The following ZNF12 variants were observed in gnomAD, a reference collection of about 807,000 sequenced individuals.
ZNF12 encodes the protein zinc finger protein 12, also known as gonadotropin inducible transcription repressor 3.
In ZNF12, 34 loss-of-function variants were observed where a neutral mutation model predicts 66.6. That is an observed-to-expected ratio of 0.51 (90% CI 0.39 to 0.68). The LOEUF (loss-of-function observed/expected upper bound fraction) is 0.68. Ranked by LOEUF, ZNF12 falls within the 30% of genes least tolerant of loss-of-function variation. ZNF12 has a pLI of 0.00. For missense variants in ZNF12, 697 were observed against 826.9 expected (o/e 0.84, Z 1.93); for synonymous variants, 320 against 278.9 (o/e 1.15, Z -1.47).
intron 2 of ZNF12, among the ~76,000 whole-genome samples, chr7:6,700,141 C>T (rs1047576073): frequency 2.0e-5 from 3 of 151,570 alleles, no homozygotes; most frequent in Non-Finnish European, 4.4e-5. Flanking sequence ...AAAAATTAGC[C>T]GGGCGTGGTG....
intron 4 of ZNF12, among the ~76,000 whole-genome samples, chr7:6,694,133 C>A (rs1011812496): frequency 2.1e-5 from 3 of 145,182 alleles, no homozygotes; most frequent in Non-Finnish European, 4.7e-5. Context: ...TGTCACTGCA[C>A]CCCAGCCTGG....
chr7:6,698,396 C>A lies in ZNF12; in HGVS notation c.16-585G>T, dbSNP rs1414868150. ...ACACCAACATTTTCCAAATTTACAT[C>A]ATCAGTCCAGGCCTCTCTCCTAAAT... On this transcript the variant is annotated intron_variant, in intron 2 of 4. Coordinates refer to ENST00000405858, the MANE Select transcript of ZNF12 (RefSeq NM_016265.4). This position sits in a 1 kb window ranked among gnomAD's most constrained non-coding sequence, Gnocchi z 4.4. Among the ~76,000 whole-genome samples the A allele has an allele frequency of 6.6e-6, 1 of 152,142 alleles. No individual in the cohort carries two copies. The highest frequency in any genetic ancestry group is 1.9e-4 in the East Asian group (1 of 5,204).
chr7:6,706,940 A>C lies in ZNF12; in HGVS notation c.-559T>G, dbSNP rs1441319888. The C allele has an allele frequency of 9.8e-6, 4 of 406,618 alleles. No homozygotes were observed. The East Asian group carries it at 3.9e-4, about 40-fold the overall frequency. The allele number at this position is 406,618 out of a possible 1,614,324, so 25.2% of individuals were successfully genotyped here. On this transcript the variant is annotated 5_prime_UTR_variant, in exon 1 of 5. Coordinates refer to ENST00000405858, the MANE Select transcript of ZNF12 (RefSeq NM_016265.4). ...GTGACCTGGGGACGCACAGGAAGCGAGGGCACTGCGGCCGCGGCGCGCATG... is the reference window on the plus strand; with the variant it reads ...GTGACCTGGGGACGCACAGGAAGCGCGGGCACTGCGGCCGCGGCGCGCATG...
chr7:6,700,594 TG>T (rs761627051), intron 2 of ZNF12, among the ~76,000 whole-genome samples: 15 of 152,276 alleles, frequency 9.9e-5, no homozygotes, highest in Non-Finnish European at 1.3e-4. Flanking sequence ...CCACTGCATT[TG>T]TTTTTCACAA....
chr7:6,692,864 T>G lies in ZNF12; in HGVS notation c.239-161A>C, dbSNP rs1029582940. On this transcript the variant is annotated intron_variant, in intron 4 of 4. Coordinates refer to ENST00000405858, the MANE Select transcript of ZNF12 (RefSeq NM_016265.4). This position sits in a 1 kb window ranked among gnomAD's most constrained non-coding sequence, Gnocchi z 5.1. ...AGTGTACTCTTCTCCTTTATGCTTT[T>G]GCTTAAAATTACACACACACAAACA... is the stretch of plus-strand genomic sequence containing the variant. Among the ~76,000 whole-genome samples, 2 of 151,540 alleles carry G rather than the reference T, an allele frequency of 1.3e-5. No individual in the cohort carries two copies. Among genetic ancestry groups the G allele is most frequent in the Non-Finnish European group, 2.9e-5 (2 of 67,996 alleles).
rs762462723 is a variant in ZNF12, at chr7:6,698,017, AC to A, written c.16-207del. The A allele has an allele frequency of 1.5e-5, 12 of 775,400 alleles. No homozygotes were observed. Among genetic ancestry groups the A allele is most frequent in the African/African-American group, 1.5e-4 (9 of 59,160 alleles). 48.0% of individuals were successfully genotyped at this position (775,400 alleles called of 1,614,324 possible). A position where few individuals can be genotyped will look rare whatever the true frequency, so the allele number is the denominator to read the frequency against. On this transcript the variant is annotated intron_variant, in intron 2 of 4. Transcript: ENST00000405858. The surrounding 1 kb of genome is among the most constrained non-coding windows in gnomAD (Gnocchi z 4.4). The stretch of plus-strand genomic sequence containing the variant: ...CAAACAAAAAACAAAAAACAAAAAA[AC>A]AACACTGGGATTGCACGGTGAGCCA...
rs370609226 is a variant in ZNF12 at position 6,692,573 on chromosome 7, T to G, written c.369A>C (p.Val123=). 43 of 1,613,920 alleles carry G rather than the reference T, an allele frequency of 2.7e-5. No homozygotes were observed. Among genetic ancestry groups the G allele is most frequent in the Non-Finnish European group, 3.6e-5 (43 of 1,179,846 alleles). ...TTCTTGAAGGAACAGGGTTCGTTTC[T>G]ACATCAAAAGTTTTACCAGGAACAT... ...RGNVPGKTFD[V]ETNPVPSRKI... Residue 123 remains valine (V), a synonymous_variant, in exon 5 of 5, where the codon GTA becomes GTC. Coordinates refer to ENST00000405858, the MANE Select transcript of ZNF12 (RefSeq NM_016265.4). This position sits in a 1 kb window ranked among gnomAD's most constrained non-coding sequence, Gnocchi z 5.1.
rs1291345093 is a variant in ZNF12 at position 6,705,808 on chromosome 7, A to T, written c.-50-585T>A. Reference sequence around the variant, plus strand: ...TTTCTTACTCTTTTAAATAAAGATCAGAAAATCCACAGGATGCCCTAAATA... The same window carrying T: ...TTTCTTACTCTTTTAAATAAAGATCTGAAAATCCACAGGATGCCCTAAATA... On this transcript the variant is annotated intron_variant, in intron 1 of 4. Coordinates refer to ENST00000405858, the MANE Select transcript of ZNF12 (RefSeq NM_016265.4). This position sits in a 1 kb window ranked among gnomAD's most constrained non-coding sequence, Gnocchi z 4.0. Among the ~76,000 whole-genome samples the T allele has an allele frequency of 6.6e-6, 1 of 152,238 alleles. No individual in the cohort carries two copies. The highest frequency in any genetic ancestry group is 1.5e-5 in the Non-Finnish European group (1 of 68,038).
In ZNF12 at chr7:6,692,762, A is replaced by C. The variant is rs1291163615; in HGVS notation, c.239-59T>G. 4 of 1,469,872 alleles carry C rather than the reference A, an allele frequency of 2.7e-6. No individual in the cohort carries two copies. In the African/African-American group the frequency reaches 4.3e-5, roughly 16 times the overall value. The allele number at this position is 1,469,872 out of a possible 1,614,324, so 91.1% of individuals were successfully genotyped here. On this transcript the variant is annotated intron_variant, in intron 4 of 4. Coordinates refer to ENST00000405858, the MANE Select transcript of ZNF12 (RefSeq NM_016265.4). This position sits in a 1 kb window ranked among gnomAD's most constrained non-coding sequence, Gnocchi z 5.1. ...ATCTTCCTATATATATATGATATGG[A>C]ATGAGATTCATGATTTGTACACACG...
chr7:6,691,018 A>C lies in ZNF12; in HGVS notation c.1924T>G (p.Phe642Val). Residue 642 changes from phenylalanine to valine, a missense_variant, in exon 5 of 5, where the codon TTC becomes GTC. Physicochemically the swap from Phe to Val is conservative, Grantham distance 50. This residue lies in a region of ZNF12 where 401 missense variants were observed against 519.0 expected (regional missense o/e 0.77). Coordinates refer to ENST00000405858, the MANE Select transcript of ZNF12 (RefSeq NM_016265.4). ...PFECNECGKA[F>V]SRMSYLTVHY... The stretch of plus-strand genomic sequence containing the variant: ...ACAGTGAGGTATGACATCCGAGAGA[A>C]GGCTTTTCCACACTCATTACATTCA... 2.0e-5 allele frequency: 32 copies of C among 1,614,158 alleles called. No individual in the cohort carries two copies. Among genetic ancestry groups the C allele is most frequent in the Non-Finnish European group, 2.7e-5 (32 of 1,180,006 alleles).
chr7:6,703,758 C>A (rs141273019), intron 2 of ZNF12, among the ~76,000 whole-genome samples: 1 of 152,192 alleles, frequency 6.6e-6, no homozygotes, highest in Non-Finnish European at 1.5e-5. Context: ...AGAGTGGACA[C>A]CAACACATGA....
chr7:6,700,580 AC>A, intron 2 of ZNF12, among the ~76,000 whole-genome samples: 1 of 151,796 alleles, frequency 6.6e-6, no homozygotes, highest in African/African-American at 2.4e-5. Context: ...ATCCCCTCAA[AC>A]CCCCACTGCA....
chr7:6,704,325 A>AG (rs1339671181), intron 2 of ZNF12: 1 of 151,428 alleles, frequency 6.6e-6, no homozygotes, highest in East Asian at 1.9e-4. Context: ...TAAAAAAAAA[A>AG]AAGAAAAGAA....
rs56744561 is a variant in ZNF12, at chr7:6,700,300, A to AT, written c.16-2490_16-2489insA. ...ACTCCGTCTGAGAGGAAAAAAAAAAAATATACACACACACACACACACACA... is the reference window on the plus strand; with the variant it reads ...ACTCCGTCTGAGAGGAAAAAAAAAAATATATACACACACACACACACACACA... On this transcript the variant is annotated intron_variant, in intron 2 of 4. Coordinates refer to ENST00000405858, the MANE Select transcript of ZNF12 (RefSeq NM_016265.4). 4.6e-3 allele frequency among the ~76,000 whole-genome samples: 395 copies of AT among 85,502 alleles called. 1 individual carries two copies. The highest frequency in any genetic ancestry group is 7.0e-3 in the Admixed American group (69 of 9,830). 56.1% of individuals were successfully genotyped at this position (85,502 alleles called of 152,430 possible). A position where few individuals can be genotyped will look rare whatever the true frequency, so the allele number is the denominator to read the frequency against.
In ZNF12 at chr7:6,697,477, G is replaced by A; in HGVS notation, c.143-43C>T. On this transcript the variant is annotated intron_variant, in intron 3 of 4. Coordinates refer to ENST00000405858, the MANE Select transcript of ZNF12 (RefSeq NM_016265.4). This position sits in a 1 kb window ranked among gnomAD's most constrained non-coding sequence, Gnocchi z 6.1. ...AAGAGAACTTGAGCCCAGGCCGGTT[G>A]GCTTCAGGGTCTCTGTCATACAGGG... The A allele has an allele frequency of 6.3e-7, 1 of 1,579,442 alleles. No homozygotes were observed. The highest frequency in any genetic ancestry group is 8.7e-7 in the Non-Finnish European group (1 of 1,155,798).
At position 6,689,944 on chromosome 7, in the gene ZNF12, C is replaced by G. The variant is rs535253274; in HGVS notation, c.*904G>C. 2 of 152,138 alleles carry G rather than the reference C, an allele frequency of 1.3e-5. No individual in the cohort carries two copies. The highest frequency in any genetic ancestry group is 4.8e-5 in the African/African-American group (2 of 41,436). The allele number at this position is 152,138 out of a possible 1,614,324, so 9.4% of individuals were successfully genotyped here. A position where few individuals can be genotyped will look rare whatever the true frequency, so the allele number is the denominator to read the frequency against. ...GGAATATTTTAAGTATATCTTAAAACTGTATAGAGTGCAATGATTTTCTCA... is the reference window on the plus strand; with the variant it reads ...GGAATATTTTAAGTATATCTTAAAAGTGTATAGAGTGCAATGATTTTCTCA... On this transcript the variant is annotated 3_prime_UTR_variant, in exon 5 of 5. Coordinates refer to ENST00000405858, the MANE Select transcript of ZNF12 (RefSeq NM_016265.4).
intron 1 of ZNF12, among the ~76,000 whole-genome samples, chr7:6,706,163 AC>A (rs893171978): frequency 1.9e-4 from 29 of 152,186 alleles, no homozygotes; most frequent in African/African-American, 7.0e-4. Flanking sequence ...GTGCTGACGG[AC>A]GTTTAGATAC....
chr7:6,696,187 T>C lies in ZNF12; in HGVS notation c.238+1152A>G, dbSNP rs536457467. 6.6e-6 allele frequency among the ~76,000 whole-genome samples: 1 copy of C among 152,224 alleles called. No individual in the cohort carries two copies. The highest frequency in any genetic ancestry group is 2.1e-4 in the South Asian group (1 of 4,826). On this transcript the variant is annotated intron_variant, in intron 4 of 4. Transcript: ENST00000405858. This position sits in a 1 kb window ranked among gnomAD's most constrained non-coding sequence, Gnocchi z 4.0. ...GACAGCATCTAGTCTTTGTTTACAT[T>C]AAGTCAAAGGAAACTGAGGATATAC...
At position 6,697,986 on chromosome 7, in the gene ZNF12, A is replaced by G; in HGVS notation, c.16-175T>C. 2 of 886,972 alleles carry G rather than the reference A, an allele frequency of 2.3e-6. No homozygotes were observed. The highest frequency in any genetic ancestry group is 2.4e-5 in the East Asian group (1 of 41,376). The allele number at this position is 886,972 out of a possible 1,614,324, so 54.9% of individuals were successfully genotyped here. A position where few individuals can be genotyped will look rare whatever the true frequency, so the allele number is the denominator to read the frequency against. On this transcript the variant is annotated intron_variant, in intron 2 of 4. Transcript: ENST00000405858. This position sits in a 1 kb window ranked among gnomAD's most constrained non-coding sequence, Gnocchi z 6.1. ...TACACTGTTCTGGGGTTCATTCAGT[A>G]TACATCAAACAAAAAACAAAAAACA...
Sources: allele counts gnomAD v4.1 joint callset (sites outside exome capture counted in the v4.1 genomes callset), GRCh38; gene constraint gnomAD v4.1.1; regional missense constraint gnomAD v4.1.1; non-coding constraint Gnocchi (gnomAD v3.1); transcripts MANE v1.5; gene names NCBI Gene and HGNC (gene_info 2026-07-23, HGNC 2026-07-21).